The following HECA variants were observed in gnomAD, a reference collection of about 807,000 sequenced individuals.
HECA encodes HECA ribonucleoprotein granule regulator.
A neutral mutation model predicts 37.6 loss-of-function variants in HECA; 13 were observed. That is an observed-to-expected ratio of 0.35 (90% CI 0.23 to 0.55). The LOEUF is 0.55. HECA is among the 20% of genes least tolerant of loss of function. HECA has a pLI of 0.90. For missense variants in HECA, 527 were observed against 701.9 expected, an observed-to-expected ratio of 0.75 and a Z score of 2.82; for synonymous variants, 307 against 291.5, an observed-to-expected ratio of 1.05 and a Z score of -0.54.
chr6:139,166,350 A>G lies in HECA; in HGVS notation c.338A>G (p.Tyr113Cys), dbSNP rs1161710158. ...CCGGTGGACCTGGAGAAGGACGACT[A>G]CCAGAAGGTGGTGTGCAACAACGAG... is the stretch of plus-strand genomic sequence containing the variant. ...GRPVDLEKDD[Y>C]QKVVCNNEHC... The change falls in exon 2 of 4, where the codon TAC (tyrosine) becomes TGC (cysteine). Residue 113 changes from tyrosine (Y) to cysteine (C), a missense_variant. This residue lies in a region of HECA where 172 missense variants were observed against 197.6 expected (regional missense o/e 0.87). Transcript: ENST00000367658. 6.2e-7 allele frequency: 1 copy of G among 1,614,018 alleles called. No individual in the cohort carries two copies. The highest frequency in any genetic ancestry group is 8.5e-7 in the Non-Finnish European group (1 of 1,179,904).
chr6:139,154,731 C>G (rs777007156), intron 1 of HECA, among the ~76,000 whole-genome samples: 11 of 152,168 alleles, frequency 7.2e-5, no homozygotes, highest in African/African-American at 1.2e-4. Flanking sequence ...TGGGGCTCAT[C>G]AAGAGAGAAG....
intron 1 of HECA, among the ~76,000 whole-genome samples, chr6:139,146,672 A>G (rs1774588133): frequency 6.6e-6 from 1 of 152,350 alleles, no homozygotes; most frequent in South Asian, 2.1e-4. Context: ...CAGTGCTGCC[A>G]GAAGCCATGA....
In HECA at chr6:139,142,912, C is replaced by T. The variant is rs534062395; in HGVS notation, c.271+7245C>T. ...GCAGTGAGCTGAGATCGCGCCATTG[C>T]ACTCCAGCCTGGCGACAGAATGAGA... On this transcript the variant is annotated intron_variant, in intron 1 of 3. Coordinates refer to ENST00000367658, the MANE Select transcript of HECA (RefSeq NM_016217.3). 1.4e-3 allele frequency among the ~76,000 whole-genome samples: 213 copies of T among 151,892 alleles called. 7 individuals carry two copies. In the South Asian group the frequency reaches 0.042, roughly 30 times the overall value.
chr6:139,136,675 C>A (rs143194704), intron 1 of HECA, among the ~76,000 whole-genome samples: 1 of 151,056 alleles, frequency 6.6e-6, no homozygotes, highest in African/African-American at 2.4e-5. Context: ...TGCAATTTCG[C>A]CCAGGCTGGA....
Position 139,179,631 on chromosome 6 carries a change from C to G in HECA, c.*2526C>G, listed in dbSNP as rs1775105649. The G allele has an allele frequency of 2.0e-5, 3 of 152,164 alleles. No individual in the cohort carries two copies. The highest frequency in any genetic ancestry group is 1.3e-4 in the Admixed American group (2 of 15,284). 9.4% of individuals were successfully genotyped at this position (152,164 alleles called of 1,614,324 possible). A position where few individuals can be genotyped will look rare whatever the true frequency, so the allele number is the denominator to read the frequency against. On this transcript the variant is annotated 3_prime_UTR_variant, in exon 4 of 4. Coordinates refer to ENST00000367658, the MANE Select transcript of HECA (RefSeq NM_016217.3). ...ATTCATTCTTGTCTAGAGGGAAAAT[C>G]TGGCTGATTTGGGAATAAAATATAA...
rs1363569721 is a variant in HECA at position 139,180,507 on chromosome 6, A to G, written c.*3402A>G. ...GTTCTTGTTTAGTGTTTTATTTCCT[A>G]TAATAGGATGCTGCCTAACCCAGTT... On this transcript the variant is annotated 3_prime_UTR_variant, in exon 4 of 4. Coordinates refer to ENST00000367658, the MANE Select transcript of HECA (RefSeq NM_016217.3). The G allele has an allele frequency of 2.0e-5, 3 of 152,636 alleles. No individual in the cohort carries two copies. Among genetic ancestry groups the G allele is most frequent in the African/African-American group, 4.8e-5 (2 of 41,438 alleles). 9.5% of individuals were successfully genotyped at this position (152,636 alleles called of 1,614,324 possible). A position where few individuals can be genotyped will look rare whatever the true frequency, so the allele number is the denominator to read the frequency against.
intron 3 of HECA, 44 bp downstream of exon 3, chr6:139,174,583 T>C (rs760993349): frequency 6.3e-7 from 1 of 1,596,588 alleles, no homozygotes; most frequent in South Asian, 1.1e-5. Flanking sequence ...GATATTAGGC[T>C]TCTGTCCCCA....
intron 2 of HECA, among the ~76,000 whole-genome samples, chr6:139,168,515 A>AT (rs1774927216): frequency 6.7e-6 from 1 of 148,462 alleles, no homozygotes; most frequent in Non-Finnish European, 1.5e-5. Context: ...TACCTGTCAG[A>AT]TTTTTTTTGG....
chr6:139,136,332 C>T (rs1349501857), intron 1 of HECA, among the ~76,000 whole-genome samples: 3 of 149,084 alleles, frequency 2.0e-5, no homozygotes, highest in Non-Finnish European at 3.0e-5. Context: ...TTGTGCTTAA[C>T]ATTTTCAGAA....
intron 1 of HECA, among the ~76,000 whole-genome samples, chr6:139,153,425 T>C (rs925293315): frequency 7.0e-6 from 1 of 143,514 alleles, no homozygotes; most frequent in Admixed American, 7.0e-5. Flanking sequence ...AATAATGTAA[T>C]TTTTTTTTTT....
intron 1 of HECA, among the ~76,000 whole-genome samples, chr6:139,154,102 C>A (rs1368786804): frequency 6.6e-6 from 1 of 152,212 alleles, no homozygotes; most frequent in Admixed American, 6.5e-5. Context: ...GTACCTCCCC[C>A]TTTCCCTAGC....
intron 2 of HECA, among the ~76,000 whole-genome samples, chr6:139,171,637 T>C (rs929654023): frequency 6.6e-6 from 1 of 151,320 alleles, no homozygotes; most frequent in African/African-American, 2.4e-5. Flanking sequence ...TTTTTCTTTC[T>C]TTTTTTTTGA....
At chr6:139,142,108 A>G (rs1774521781) in intron 1 of HECA, among the ~76,000 whole-genome samples, 1 of 151,684 alleles carries the variant, frequency 6.6e-6, no homozygotes, top group African/African-American at 2.4e-5. Context: ...TTGTATTTTT[A>G]GTAGAGACAG....
intron 1 of HECA, among the ~76,000 whole-genome samples, chr6:139,159,774 C>T (rs1562246280): frequency 6.6e-6 from 1 of 152,194 alleles, no homozygotes. Flanking sequence ...ACTAAGTCAT[C>T]CCTATTTTAG....
At position 139,166,872 on chromosome 6, in the gene HECA, G is replaced by GC. The variant is rs1372919412; in HGVS notation, c.865dup (p.Arg289ProfsTer35). ...ATCCTCTCTCCTGCCCACTTCAGCG[G>GC]CCCCCGCTCCTCCAGATACCTCGGG... On this transcript the variant is annotated frameshift_variant, in exon 2 of 4. Coordinates refer to ENST00000367658, the MANE Select transcript of HECA (RefSeq NM_016217.3). LOFTEE classifies it high-confidence loss of function. The GC allele has an allele frequency of 1.2e-6, 2 of 1,613,928 alleles. No individual in the cohort carries two copies. Among genetic ancestry groups the GC allele is most frequent in the South Asian group, 1.1e-5 (1 of 91,080 alleles).
chr6:139,176,495 C>G lies in HECA; in HGVS notation c.1468-446C>G, dbSNP rs144952593. Reference sequence around the variant, plus strand: ...GAACTCCAGAAGCCTCAGACCAGCACCGCACTTCCTGGATTGCTAATTTTA... The same window carrying G: ...GAACTCCAGAAGCCTCAGACCAGCAGCGCACTTCCTGGATTGCTAATTTTA... On this transcript the variant is annotated intron_variant, in intron 3 of 3. Transcript: ENST00000367658. The surrounding 1 kb of genome is among the most constrained non-coding windows in gnomAD (Gnocchi z 4.5). 3.5e-4 allele frequency among the ~76,000 whole-genome samples: 53 copies of G among 152,264 alleles called. No homozygotes were observed. The highest frequency in any genetic ancestry group is 1.4e-3 in the Admixed American group (22 of 15,286).
At chr6:139,143,320 A>G (rs547297017) in intron 1 of HECA, among the ~76,000 whole-genome samples, 2 of 152,310 alleles carry the variant, frequency 1.3e-5, no homozygotes, top group Admixed American at 6.5e-5. Context: ...GGTTTGTTCA[A>G]CCTTATCCAA....
intron 1 of HECA, among the ~76,000 whole-genome samples, chr6:139,165,487 G>T (rs1331198535): frequency 6.6e-6 from 1 of 151,928 alleles, no homozygotes; most frequent in Non-Finnish European, 1.5e-5. Flanking sequence ...AATGTATAAT[G>T]ACGTGTATCT....
At chr6:139,161,973 T>A (rs192207074) in intron 1 of HECA, among the ~76,000 whole-genome samples, 104 of 152,324 alleles carry the variant, frequency 6.8e-4, no homozygotes, top group Non-Finnish European at 9.1e-4. Flanking sequence ...TACATCCAGG[T>A]CTGACTGTCT....
Sources: gnomAD v4.1 joint callset for allele counts (sites outside exome capture counted in the v4.1 genomes callset) on GRCh38, gnomAD v4.1.1 for gene constraint, gnomAD v4.1.1 regional missense constraint, Gnocchi (gnomAD v3.1) non-coding constraint, MANE v1.5 for transcripts, NCBI Gene and HGNC (gene_info 2026-07-23, HGNC 2026-07-21) for gene names.